ARK2N: variants seen among roughly 807,000 people sequenced by gnomAD.
ARK2N encodes the protein arkadia (RNF111) N-terminal like PKA signaling regulator 2N.
the ARK2N span, among the ~76,000 whole-genome samples, chr18:46,193,795 C>T: frequency 6.6e-6 from 1 of 151,568 alleles, no homozygotes; most frequent in African/African-American, 2.4e-5. Context: ...GATGGGGTTT[C>T]GCCATGTTGG....
chr18:46,183,389 A>G, the ARK2N span, among the ~76,000 whole-genome samples: 11 of 152,296 alleles, frequency 7.2e-5, no homozygotes, highest in African/African-American at 2.6e-4. Context: ...TCTATAATAT[A>G]TATTCTTTCT....
the ARK2N span, among the ~76,000 whole-genome samples, chr18:46,253,305 G>C: frequency 1.3e-5 from 2 of 152,178 alleles, no homozygotes; most frequent in East Asian, 3.9e-4. Context: ...AGGTGGTTAC[G>C]CAGGTCGTTT....
chr18:46,216,477 C>T, the ARK2N span: 12 of 1,614,144 alleles, frequency 7.4e-6, no homozygotes, highest in South Asian at 1.2e-4. The surrounding 1 kb of genome is among the most constrained non-coding windows in gnomAD (Gnocchi z 4.3). Context: ...AGAAATATAA[C>T]CTGCTGCAGG....
the ARK2N span, among the ~76,000 whole-genome samples, chr18:46,250,508 A>ACACACACACACACACACACACG: frequency 6.6e-6 from 1 of 151,376 alleles, no homozygotes; most frequent in African/African-American, 2.4e-5. Flanking sequence ...ACACACACAC[A>ACACACACACACACACACACACG]CACACACAGT....
chr18:46,176,727 C>T, the ARK2N span, among the ~76,000 whole-genome samples: 1 of 152,032 alleles, frequency 6.6e-6, no homozygotes, highest in Non-Finnish European at 1.5e-5. Flanking sequence ...AAGCGATTCT[C>T]TTGCCTCAGC....
At chr18:46,178,885 C>G in the ARK2N span, among the ~76,000 whole-genome samples, 1 of 141,208 alleles carries the variant, frequency 7.1e-6, no homozygotes, top group Non-Finnish European at 1.5e-5. Flanking sequence ...CTGCCTGAGA[C>G]TCTTTCTCAA....
the ARK2N span, among the ~76,000 whole-genome samples, chr18:46,205,416 C>T: frequency 6.6e-6 from 1 of 152,130 alleles, no homozygotes; most frequent in Non-Finnish European, 1.5e-5. Context: ...AATCATGGTC[C>T]TTTCTTACAA....
chr18:46,231,218 C>A, the ARK2N span, among the ~76,000 whole-genome samples: 2 of 152,068 alleles, frequency 1.3e-5, no homozygotes, highest in Non-Finnish European at 2.9e-5. Flanking sequence ...GAGTAGCATA[C>A]AAATTATTTG....
chr18:46,245,168 G>A, the ARK2N span, among the ~76,000 whole-genome samples: 1 of 151,948 alleles, frequency 6.6e-6, no homozygotes, highest in African/African-American at 2.4e-5. Context: ...CTGATCTCAA[G>A]TAATCTGCCC....
At chr18:46,238,205 G>A in the ARK2N span, among the ~76,000 whole-genome samples, 2 of 152,050 alleles carry the variant, frequency 1.3e-5, no homozygotes, top group African/African-American at 4.8e-5. Context: ...GAGAATATGA[G>A]GGCAAGAGGC....
the ARK2N span, among the ~76,000 whole-genome samples, chr18:46,213,222 G>A: frequency 2.0e-5 from 3 of 151,646 alleles, no homozygotes; most frequent in African/African-American, 7.3e-5. Flanking sequence ...GGCTGGTCTT[G>A]AACTCCTGAT....
chr18:46,193,095 A>G, the ARK2N span, among the ~76,000 whole-genome samples: 1 of 151,858 alleles, frequency 6.6e-6, no homozygotes, highest in Non-Finnish European at 1.5e-5. Context: ...GAACCTGGGC[A>G]GTGGAGGTTG....
At chr18:46,253,817 A>G in the ARK2N span, 14 of 1,609,208 alleles carry the variant, frequency 8.7e-6, no homozygotes, top group African/African-American at 1.5e-4. Context: ...GTTCAGGAAC[A>G]TGCAAGGTAG....
chr18:46,211,210 T>G, the ARK2N span, among the ~76,000 whole-genome samples: 6 of 152,140 alleles, frequency 3.9e-5, no homozygotes, highest in African/African-American at 1.2e-4. Context: ...TTTTTTTTAC[T>G]TTTGTTTTTA....
At chr18:46,224,539 A>C in the ARK2N span, among the ~76,000 whole-genome samples, 1 of 152,194 alleles carries the variant, frequency 6.6e-6, no homozygotes, top group African/African-American at 2.4e-5. Context: ...CATACATTAA[A>C]ATCACCTGGG....
At chr18:46,204,929 C>CTTTT in the ARK2N span, among the ~76,000 whole-genome samples, 2 of 145,612 alleles carry the variant, frequency 1.4e-5, no homozygotes, top group African/African-American at 2.6e-5. Flanking sequence ...TTTCTTTTTT[C>CTTTT]TTTTTTTTTT....
the ARK2N span, among the ~76,000 whole-genome samples, chr18:46,247,104 A>C: frequency 6.6e-6 from 1 of 152,216 alleles, no homozygotes; most frequent in East Asian, 1.9e-4. Flanking sequence ...TGTGGAAGGA[A>C]TATTACTAGT....
the ARK2N span, among the ~76,000 whole-genome samples, chr18:46,238,188 A>AG: frequency 2.2e-4 from 33 of 152,272 alleles, no homozygotes; most frequent in African/African-American, 7.5e-4. Context: ...ATTTGGGGGT[A>AG]GGGGTGGAGA....
the ARK2N span, among the ~76,000 whole-genome samples, chr18:46,239,852 C>A: frequency 6.6e-6 from 1 of 152,138 alleles, no homozygotes; most frequent in Non-Finnish European, 1.5e-5. Context: ...TTTTCACTTT[C>A]ACATTTTGTA....
Sources: allele counts gnomAD v4.1 joint callset (sites outside exome capture counted in the v4.1 genomes callset), GRCh38; gene constraint gnomAD v4.1.1; non-coding constraint Gnocchi (gnomAD v3.1); transcripts MANE v1.5; gene names NCBI Gene and HGNC (gene_info 2026-07-23, HGNC 2026-07-21).